The following DNM3 variants were observed in gnomAD, a reference collection of about 807,000 sequenced individuals.
DNM3 encodes dynamin-3.
Under a neutral mutation model 101.6 loss-of-function variants are expected in DNM3, and 47 were observed. That is an observed-to-expected ratio of 0.46 (90% CI 0.37 to 0.59). The LOEUF is 0.59. Among genes scored for constraint, DNM3 ranks in the 20% least tolerant of loss-of-function variants. DNM3 has a pLI of 0.00. For synonymous variants in DNM3, 385 were observed against 387.9 expected, an observed-to-expected ratio of 0.99 and a Z score of 0.09; for missense variants, 849 against 1,085.7, an observed-to-expected ratio of 0.78 and a Z score of 3.06.
intron 4 of DNM3, among the ~76,000 whole-genome samples, chr1:171,990,068 T>G (rs1430950641): frequency 3.9e-5 from 6 of 152,166 alleles, no homozygotes; most frequent in African/African-American, 1.4e-4. Flanking sequence ...ATATTTTTAC[T>G]TTGTGAATCT....
At chr1:172,101,464 A>G (rs74498200) in intron 13 of DNM3, among the ~76,000 whole-genome samples, 1 of 152,140 alleles carries the variant, frequency 6.6e-6, no homozygotes, top group Non-Finnish European at 1.5e-5. Context: ...ACTGTACCTC[A>G]GTTTTCTAAT....
At chr1:172,141,336 C>A (rs2057568284) in intron 14 of DNM3, among the ~76,000 whole-genome samples, 1 of 152,006 alleles carries the variant, frequency 6.6e-6, no homozygotes. Flanking sequence ...AATTTCCTGT[C>A]TCAGGTTAAA....
intron 14 of DNM3, among the ~76,000 whole-genome samples, chr1:172,194,599 C>A (rs774285071): frequency 1.3e-5 from 2 of 152,112 alleles, no homozygotes; most frequent in African/African-American, 4.8e-5. Flanking sequence ...GAATTGATCC[C>A]TGTACCATTA....
At chr1:171,987,103 C>T (rs1032659551) in intron 2 of DNM3, among the ~76,000 whole-genome samples, 2 of 151,786 alleles carry the variant, frequency 1.3e-5, no homozygotes, top group Non-Finnish European at 2.9e-5. Flanking sequence ...TAACTTTTTT[C>T]CTTGAGAAAT....
intron 14 of DNM3, among the ~76,000 whole-genome samples, chr1:172,202,023 G>A (rs754685517): frequency 6.6e-6 from 1 of 152,104 alleles, no homozygotes; most frequent in Non-Finnish European, 1.5e-5. Flanking sequence ...GTGGGCCATT[G>A]TCCTGTCTTG....
At chr1:171,982,030 TATGAAGC>T (rs1158615770) in intron 2 of DNM3, among the ~76,000 whole-genome samples, 3 of 152,274 alleles carry the variant, frequency 2.0e-5, no homozygotes, top group South Asian at 2.1e-4. Context: ...TGTGCCCAAC[TATGAAGC>T]ATTTAGAATG....
rs1447130834 is a variant in DNM3, at chr1:172,212,181, CA to C, written c.1660-41391del. 2.0e-5 allele frequency among the ~76,000 whole-genome samples: 3 copies of C among 152,092 alleles called. No individual in the cohort carries two copies. In the East Asian group the frequency reaches 5.8e-4, roughly 29 times the overall value. On this transcript the variant is annotated intron_variant, in intron 14 of 20. Coordinates refer to ENST00000627582, the MANE Select transcript of DNM3 (RefSeq NM_015569.5). ...ACAGGGAATATATTGCAATTGCAAT[CA>C]TAGCAAAGAAAGAACAGAAAGGATG...
chr1:171,948,844 T>G (rs766321357), intron 2 of DNM3, among the ~76,000 whole-genome samples: 1 of 152,160 alleles, frequency 6.6e-6, no homozygotes, highest in Non-Finnish European at 1.5e-5. Flanking sequence ...AAAATGATTC[T>G]TCTTCCTAGT....
intron 15 of DNM3, among the ~76,000 whole-genome samples, chr1:172,306,115 T>C (rs957055580): frequency 6.6e-6 from 1 of 152,228 alleles, no homozygotes; most frequent in Non-Finnish European, 1.5e-5. Context: ...GATGACATGA[T>C]TGTGTATTTA....
At chr1:172,079,244 T>C (rs2052934455) in intron 11 of DNM3, among the ~76,000 whole-genome samples, 1 of 152,176 alleles carries the variant, frequency 6.6e-6, no homozygotes, top group Non-Finnish European at 1.5e-5. Flanking sequence ...CCCCGTCACT[T>C]TCAGGTACAC....
chr1:172,230,330 A>G (rs2061286155), intron 14 of DNM3, among the ~76,000 whole-genome samples: 1 of 152,182 alleles, frequency 6.6e-6, no homozygotes, highest in South Asian at 2.1e-4. Flanking sequence ...TCATCTCAGC[A>G]TTTAATAAAT....
At chr1:172,337,041 A>T (rs1411110876) in intron 17 of DNM3, among the ~76,000 whole-genome samples, 1 of 152,186 alleles carries the variant, frequency 6.6e-6, no homozygotes, top group African/African-American at 2.4e-5. Flanking sequence ...TACTTGCATG[A>T]TGTTTTCATC....
chr1:171,917,827 CATT>C (rs1253286260), intron 1 of DNM3, among the ~76,000 whole-genome samples: 2 of 152,086 alleles, frequency 1.3e-5, no homozygotes, highest in Non-Finnish European at 2.9e-5. Context: ...AAGGAATAGT[CATT>C]ATTTTTCCAG....
chr1:172,152,305 T>C (rs1195152142), intron 14 of DNM3, among the ~76,000 whole-genome samples: 1 of 151,930 alleles, frequency 6.6e-6, no homozygotes, highest in Non-Finnish European at 1.5e-5. Flanking sequence ...CAGAAGTTTT[T>C]AGTACTACAA....
In DNM3 at chr1:172,342,106, TAGC is replaced by T. The variant is rs1430473121; in HGVS notation, c.1893+18769_1893+18771del. On this transcript the variant is annotated intron_variant, in intron 17 of 20. Coordinates refer to ENST00000627582, the MANE Select transcript of DNM3 (RefSeq NM_015569.5). Reference sequence around the variant, plus strand: ...GGCTACTATTAAAAAAATAAAAAAATAGCAGATGGTGGCGAGGTTGCAGAGAAA... The same window carrying T: ...GGCTACTATTAAAAAAATAAAAAAATAGATGGTGGCGAGGTTGCAGAGAAA... 1.6e-4 allele frequency among the ~76,000 whole-genome samples: 25 copies of T among 152,016 alleles called. No homozygotes were observed. In the South Asian group the frequency reaches 5.2e-3, roughly 32 times the overall value.
At chr1:172,393,808 T>G (rs1249015161) in intron 20 of DNM3, 1 of 149,164 alleles carries the variant, frequency 6.7e-6, no homozygotes, top group Non-Finnish European at 1.5e-5. Flanking sequence ...CAAGGAAAGA[T>G]GTTTTTTTAA....
At chr1:172,017,392 GT>G (rs1366235461) in intron 4 of DNM3, among the ~76,000 whole-genome samples, 2 of 151,996 alleles carry the variant, frequency 1.3e-5, no homozygotes, top group Non-Finnish European at 2.9e-5. Flanking sequence ...AATTTGGTAA[GT>G]TGTATTTTCA....
chr1:172,221,203 C>T (rs2060895027), intron 14 of DNM3, among the ~76,000 whole-genome samples: 1 of 152,016 alleles, frequency 6.6e-6, no homozygotes. Context: ...ACTAAGAAAA[C>T]ATTTACATAA....
chr1:172,413,387 C>T (rs1190493016), downstream of DNM3, among the ~76,000 whole-genome samples: 4 of 152,076 alleles, frequency 2.6e-5, no homozygotes, highest in Non-Finnish European at 4.4e-5. Context: ...CCACCACGCC[C>T]GGCTAATTTT....
Sources: gnomAD v4.1 joint callset for allele counts (sites outside exome capture counted in the v4.1 genomes callset) on GRCh38, gnomAD v4.1.1 for gene constraint, MANE v1.5 for transcripts, NCBI Gene and HGNC (gene_info 2026-07-23, HGNC 2026-07-21) for gene names.